Variants in GALNT17 observed in about 807,000 individuals in gnomAD.
GALNT17 encodes the protein polypeptide N-acetylgalactosaminyltransferase 17.
A neutral mutation model predicts 63.7 loss-of-function variants in GALNT17; 29 were observed. That is an observed-to-expected ratio of 0.46 (90% CI 0.34 to 0.62). The LOEUF is 0.62. Ranked by LOEUF, GALNT17 falls within the 20% of genes least tolerant of loss-of-function variation. GALNT17 has a pLI of 0.01. For missense variants in GALNT17, 603 were observed against 799.6 expected (o/e 0.75, Z 2.97); for synonymous variants, 305 against 318.3 (o/e 0.96, Z 0.45).
At chr7:71,309,398 T>C (rs977844669) in intron 1 of GALNT17, among the ~76,000 whole-genome samples, 1 of 152,106 alleles carries the variant, frequency 6.6e-6, no homozygotes, top group Non-Finnish European at 1.5e-5. Flanking sequence ...CTTTCCCTTC[T>C]GCTGGGAAGG....
At chr7:71,224,091 G>A (rs1562928813) in intron 1 of GALNT17, among the ~76,000 whole-genome samples, 1 of 152,112 alleles carries the variant, frequency 6.6e-6, no homozygotes, top group African/African-American at 2.4e-5. Flanking sequence ...TTTTATGTCT[G>A]TTGCCCAGGC....
chr7:71,227,156 A>G (rs986529495), intron 1 of GALNT17, among the ~76,000 whole-genome samples: 1 of 129,214 alleles, frequency 7.7e-6, no homozygotes, highest in African/African-American at 2.9e-5. Flanking sequence ...TGGGCAAGAT[A>G]GGGAGACACC....
At chr7:71,609,470 T>C (rs1338537980) in intron 6 of GALNT17, among the ~76,000 whole-genome samples, 1 of 152,204 alleles carries the variant, frequency 6.6e-6, no homozygotes, top group Non-Finnish European at 1.5e-5. Flanking sequence ...GTTCCACCAT[T>C]CTTAACTCAC....
At chr7:71,627,530 A>G (rs2116982562) in intron 6 of GALNT17, among the ~76,000 whole-genome samples, 1 of 152,210 alleles carries the variant, frequency 6.6e-6, no homozygotes, top group East Asian at 1.9e-4. Context: ...CAAAGGGCAA[A>G]TGGCCAGAGT....
At chr7:71,444,383 T>G (rs1478993853) in intron 5 of GALNT17, among the ~76,000 whole-genome samples, 1 of 152,150 alleles carries the variant, frequency 6.6e-6, no homozygotes, top group African/African-American at 2.4e-5. Context: ...GTACGTGGCC[T>G]CCTGCCATGT....
At chr7:71,481,891 A>G (rs1787824040) in intron 5 of GALNT17, among the ~76,000 whole-genome samples, 2 of 151,976 alleles carry the variant, frequency 1.3e-5, no homozygotes, top group Non-Finnish European at 2.9e-5. Context: ...TATAGCCGTC[A>G]TTTCCCCTTC....
chr7:71,153,933 T>C (rs1192621523), intron 1 of GALNT17, among the ~76,000 whole-genome samples: 4 of 135,820 alleles, frequency 2.9e-5, no homozygotes, highest in African/African-American at 8.2e-5. Flanking sequence ...TAAAATAAAA[T>C]AAAAATAAAA....
intron 6 of GALNT17, among the ~76,000 whole-genome samples, chr7:71,593,534 G>T (rs973558672): frequency 6.6e-6 from 1 of 152,110 alleles, no homozygotes; most frequent in Non-Finnish European, 1.5e-5. Context: ...AAAGTGCTGG[G>T]ATTACAGGCG....
chr7:71,682,997 C>T (rs976078135), intron 9 of GALNT17, among the ~76,000 whole-genome samples: 2 of 152,118 alleles, frequency 1.3e-5, no homozygotes, highest in African/African-American at 4.8e-5. Flanking sequence ...CACAGTGTGG[C>T]CCCTTTGTTA....
chr7:71,211,625 T>C (rs556249017), intron 1 of GALNT17, among the ~76,000 whole-genome samples: 3 of 152,258 alleles, frequency 2.0e-5, no homozygotes, highest in East Asian at 1.9e-4. Flanking sequence ...GTGGGAAAGT[T>C]TGGAACTTCC....
rs187829016 is a variant in GALNT17 at position 71,364,276 on chromosome 7, G to A, written c.423-23959G>A. 2.5e-3 allele frequency among the ~76,000 whole-genome samples: 388 copies of A among 152,258 alleles called. 4 individuals carry two copies. The highest frequency in any genetic ancestry group is 1.2e-3 in the East Asian group (6 of 5,174). On this transcript the variant is annotated intron_variant, in intron 2 of 10. Transcript: ENST00000333538. ...GAAGTCAGGCCTCAGTACAGATTTGGTGTTCTGCCTTCCTCAGTTCTTGGC... is the reference window on the plus strand; with the variant it reads ...GAAGTCAGGCCTCAGTACAGATTTGATGTTCTGCCTTCCTCAGTTCTTGGC...
chr7:71,514,876 C>T (rs1261728572), intron 5 of GALNT17, among the ~76,000 whole-genome samples: 1 of 152,134 alleles, frequency 6.6e-6, no homozygotes, highest in Non-Finnish European at 1.5e-5. Context: ...CCCGTAATTC[C>T]CACGTGTTGT....
chr7:71,167,045 CTTTTTTTT>C (rs35735311), intron 1 of GALNT17, among the ~76,000 whole-genome samples: 5 of 115,486 alleles, frequency 4.3e-5, no homozygotes, highest in African/African-American at 1.0e-4. Flanking sequence ...TGGCTAAGTA[CTTTTTTTT>C]TTTTTTTTTT....
At chr7:71,382,632 T>C (rs1285345295) in intron 2 of GALNT17, among the ~76,000 whole-genome samples, 1 of 151,690 alleles carries the variant, frequency 6.6e-6, no homozygotes, top group African/African-American at 2.4e-5. Context: ...GGGTGTGGGG[T>C]CAGAGGCTCT....
intron 5 of GALNT17, among the ~76,000 whole-genome samples, chr7:71,535,031 C>G (rs747651321): frequency 6.6e-6 from 1 of 152,122 alleles, no homozygotes; most frequent in Admixed American, 6.5e-5. Context: ...CAACCCTCGT[C>G]CCCCAAAGTA....
At chr7:71,351,604 C>T (rs539307857) in intron 2 of GALNT17, among the ~76,000 whole-genome samples, 1 of 152,212 alleles carries the variant, frequency 6.6e-6, no homozygotes, top group South Asian at 2.1e-4. Context: ...TGGAATGGAG[C>T]ATCCACAAGC....
chr7:71,286,782 T>TG (rs1554348569), intron 1 of GALNT17, among the ~76,000 whole-genome samples: 3 of 150,154 alleles, frequency 2.0e-5, no homozygotes, highest in Non-Finnish European at 4.5e-5. Context: ...TTTGTTATGT[T>TG]TTTGTTTGTT....
At chr7:71,375,500 G>C (rs1051832485) in intron 2 of GALNT17, among the ~76,000 whole-genome samples, 61 of 152,102 alleles carry the variant, frequency 4.0e-4, no homozygotes, top group African/African-American at 1.4e-3. Context: ...CTGCAGCCTC[G>C]ACCTTCAGGA....
At chr7:71,306,481 A>G (rs1396184154) in intron 1 of GALNT17, among the ~76,000 whole-genome samples, 1 of 151,936 alleles carries the variant, frequency 6.6e-6, no homozygotes, top group Non-Finnish European at 1.5e-5. Flanking sequence ...GTGAAATCAT[A>G]CAGTAATTGT....
Sources: gnomAD v4.1 joint callset for allele counts (sites outside exome capture counted in the v4.1 genomes callset) on GRCh38, gnomAD v4.1.1 for gene constraint, MANE v1.5 for transcripts, NCBI Gene and HGNC (gene_info 2026-07-23, HGNC 2026-07-21) for gene names.